SGSM1: variants seen among roughly 807,000 people sequenced by gnomAD.
SGSM1 encodes the protein small G protein signaling modulator 1, also known as RUN and TBC1 domain containing 2.
SGSM1 carries 73 observed loss-of-function variants against 133.8 expected under a neutral mutation model. The ratio of observed to expected loss-of-function variants is 0.55; its 90% CI spans 0.45 to 0.66. The LOEUF is 0.66. Among genes scored for constraint, SGSM1 ranks in the 30% least tolerant of loss-of-function variants. The pLI is 0.00. For missense variants in SGSM1, 1,213 were observed against 1,448.1 expected (o/e 0.84, Z 2.64); for synonymous variants, 563 against 573.0 (o/e 0.98, Z 0.25).
chr22:24,877,340 TG>T (rs1407716721), intron 13 of SGSM1, among the ~76,000 whole-genome samples: 1 of 152,224 alleles, frequency 6.6e-6, no homozygotes, highest in Non-Finnish European at 1.5e-5. Flanking sequence ...TGGTTTAAAG[TG>T]GCCAGAATGT....
chr22:24,855,241 G>T (rs1472903990), intron 6 of SGSM1, 44 bp from the exon 7 acceptor site: 1 of 1,584,522 alleles, frequency 6.3e-7, no homozygotes, highest in South Asian at 1.1e-5. Context: ...CATGCGGGAG[G>T]ACTTTCCGGG....
chr22:24,843,020 G>A (rs1318061751), intron 2 of SGSM1, among the ~76,000 whole-genome samples: 2 of 151,832 alleles, frequency 1.3e-5, no homozygotes, highest in Non-Finnish European at 2.9e-5. Context: ...AGCAGCAGGA[G>A]CCATGATGGG....
intron 2 of SGSM1, among the ~76,000 whole-genome samples, chr22:24,841,075 C>T (rs1011868367): frequency 2.6e-5 from 4 of 152,158 alleles, no homozygotes; most frequent in Admixed American, 6.5e-5. Flanking sequence ...TGGTCTCGAT[C>T]TCCTGACCTT....
chr22:24,890,254 A>C (rs185413458), intron 16 of SGSM1, among the ~76,000 whole-genome samples: 1 of 151,836 alleles, frequency 6.6e-6, no homozygotes, highest in Admixed American at 6.6e-5. Context: ...CCACGCCCGG[A>C]CTTAAACGGA....
chr22:24,923,427 T>C (rs935936918), intron 24 of SGSM1, among the ~76,000 whole-genome samples: 1 of 152,240 alleles, frequency 6.6e-6, no homozygotes, highest in African/African-American at 2.4e-5. Context: ...CTTAGAAGTC[T>C]GACCACATTG....
chr22:24,872,805 G>C (rs952043548), intron 12 of SGSM1, among the ~76,000 whole-genome samples: 1 of 152,064 alleles, frequency 6.6e-6, no homozygotes, highest in African/African-American at 2.4e-5. Flanking sequence ...TGTAGTCCCA[G>C]TTACTCGGGA....
chr22:24,819,449 G>A (rs928085538), intron 2 of SGSM1, among the ~76,000 whole-genome samples: 1 of 152,296 alleles, frequency 6.6e-6, no homozygotes, highest in Middle Eastern at 3.4e-3. Context: ...ATATGCATTA[G>A]TGTATGTAAT....
Position 24,876,663 on chromosome 22 carries a change from T to C in SGSM1, c.1378T>C (p.Ser460Pro). The change falls in exon 13 of 25, where the codon TCA becomes CCA. Residue 460 changes from serine (S) to proline (P), a missense_variant. By Grantham distance (74) the Ser-to-Pro change is moderately conservative. Transcript: ENST00000400358. ...SPRKSSCSSC[S>P]QSGSADGSST... ...CCGGAAGTCCTCCTGTTCATCCTGT[T>C]CACAGAGTGGCTCGGCTGATGGTAG... is the stretch of plus-strand genomic sequence containing the variant. The C allele has an allele frequency of 6.2e-7, 1 of 1,614,002 alleles. No individual in the cohort carries two copies. Among genetic ancestry groups the C allele is most frequent in the South Asian group, 1.1e-5 (1 of 91,086 alleles).
intron 2 of SGSM1, among the ~76,000 whole-genome samples, chr22:24,812,343 T>C (rs1461218763): frequency 1.3e-5 from 2 of 152,114 alleles, no homozygotes; most frequent in Admixed American, 1.3e-4. Context: ...CTTTCCATGA[T>C]AGATGAGGAA....
intron 16 of SGSM1, among the ~76,000 whole-genome samples, chr22:24,888,696 T>C (rs1239804677): frequency 6.6e-6 from 1 of 151,958 alleles, no homozygotes; most frequent in Non-Finnish European, 1.5e-5. Flanking sequence ...GAAGAATCGC[T>C]TGAACCTGGG....
intron 13 of SGSM1, 71 bp from the exon 14 acceptor site, chr22:24,879,391 G>A (rs962235943): frequency 1.4e-5 from 21 of 1,483,710 alleles, no homozygotes; most frequent in Non-Finnish European, 1.9e-5. Flanking sequence ...ATAGCACGTG[G>A]TTATCCTCTC....
chr22:24,919,713 G>A, intron 23 of SGSM1, 113 bp from the exon 24 acceptor site: 4 of 1,196,280 alleles, frequency 3.3e-6, no homozygotes, highest in Non-Finnish European at 4.8e-6. Context: ...CAGGGCACAG[G>A]CATAAGGCAA....
At chr22:24,809,545 G>T (rs1286113345) in intron 2 of SGSM1, among the ~76,000 whole-genome samples, 1 of 152,244 alleles carries the variant, frequency 6.6e-6, no homozygotes, top group African/African-American at 2.4e-5. Flanking sequence ...AAACTGTCCA[G>T]TGCTGGCCTG....
At chr22:24,917,198 C>T (rs1031909374) in intron 22 of SGSM1, among the ~76,000 whole-genome samples, 3 of 151,086 alleles carry the variant, frequency 2.0e-5, no homozygotes, top group Admixed American at 6.7e-5. Flanking sequence ...TTTCATTCTT[C>T]TTGGGTATAT....
At chr22:24,887,305 T>C (rs952332907) in intron 16 of SGSM1, among the ~76,000 whole-genome samples, 4 of 152,324 alleles carry the variant, frequency 2.6e-5, no homozygotes, top group Non-Finnish European at 4.4e-5. Flanking sequence ...TCATATGTTC[T>C]TCATTTCTAT....
At position 24,884,141 on chromosome 22, in the gene SGSM1, C is replaced by T. The variant is rs755987880; in HGVS notation, c.1584C>T (p.Cys528=). The change falls in exon 15 of 25, where the codon TGC becomes TGT. Residue 528 remains cysteine, a synonymous_variant. Coordinates refer to ENST00000400358, the MANE Select transcript of SGSM1 (RefSeq NM_001098497.3). ...TGATCGTGTCTCCAGACTTGCCCTG[C>T]GATGCTGGACAGGGACTGACAGCCA... The part of the protein sequence containing the change: ...NHMIVSPDLP[C]DAGQGLTARI... The T allele has an allele frequency of 3.7e-6, 6 of 1,613,894 alleles. No homozygotes were observed. The South Asian group carries it at 5.5e-5, about 15-fold the overall frequency.
intron 17 of SGSM1, among the ~76,000 whole-genome samples, chr22:24,894,755 C>A (rs1311219544): frequency 1.3e-5 from 2 of 152,114 alleles, no homozygotes; most frequent in Non-Finnish European, 2.9e-5. Flanking sequence ...GTGTTCTAAG[C>A]CTCTGCTGAG....
At chr22:24,836,179 C>G (rs979036833) in intron 2 of SGSM1, among the ~76,000 whole-genome samples, 3 of 152,152 alleles carry the variant, frequency 2.0e-5, no homozygotes, top group East Asian at 3.9e-4. Flanking sequence ...CTCTAAGTAC[C>G]TCTTATAAGT....
chr22:24,806,522 C>T (rs1344971757), intron 2 of SGSM1, 38 bp downstream of exon 2: 5 of 1,484,816 alleles, frequency 3.4e-6, no homozygotes, highest in Non-Finnish European at 4.5e-6. Flanking sequence ...AGGACTCCCC[C>T]GGCAGCAGCG....
Sources: gnomAD v4.1 joint callset for allele counts (sites outside exome capture counted in the v4.1 genomes callset) on GRCh38, gnomAD v4.1.1 for gene constraint, MANE v1.5 for transcripts, NCBI Gene and HGNC (gene_info 2026-07-23, HGNC 2026-07-21) for gene names.